Variants in ENTREP2 observed in about 807,000 individuals in gnomAD.
ENTREP2 encodes endosomal transmembrane epsin interactor 2.
chr15:29,190,232 T>C, the ENTREP2 span, among the ~76,000 whole-genome samples: 1 of 152,140 alleles, frequency 6.6e-6, no homozygotes, highest in East Asian at 1.9e-4. Context: ...TGAATCCCTG[T>C]GTGGTGTGGT....
chr15:29,443,760 G>T, the ENTREP2 span, among the ~76,000 whole-genome samples: 1 of 152,052 alleles, frequency 6.6e-6, no homozygotes, highest in Non-Finnish European at 1.5e-5. Context: ...GAGGCAAGTG[G>T]TTACATCCTC....
At chr15:29,532,307 A>C in the ENTREP2 span, among the ~76,000 whole-genome samples, 1 of 152,266 alleles carries the variant, frequency 6.6e-6, no homozygotes, top group African/African-American at 2.4e-5. Context: ...TTTTACACAT[A>C]TTCTGCATTA....
At chr15:29,404,891 C>A in the ENTREP2 span, among the ~76,000 whole-genome samples, 1 of 152,042 alleles carries the variant, frequency 6.6e-6, no homozygotes, top group African/African-American at 2.4e-5. Context: ...GTCCCTCCCC[C>A]ACCCAATCTC....
At chr15:29,591,882 G>GAAGAAGA in the ENTREP2 span, among the ~76,000 whole-genome samples, 2 of 58,146 alleles carry the variant, frequency 3.4e-5, no homozygotes, top group African/African-American at 1.3e-4. Flanking sequence ...AGAAGAAGAA[G>GAAGAAGA]AAGAAGAAGA....
chr15:29,204,864 T>C, the ENTREP2 span, among the ~76,000 whole-genome samples: 1 of 152,216 alleles, frequency 6.6e-6, no homozygotes, highest in African/African-American at 2.4e-5. Flanking sequence ...TTTGTCGGCA[T>C]ACAGTTCAGT....
chr15:29,652,146 T>C, the ENTREP2 span, among the ~76,000 whole-genome samples: 1 of 152,020 alleles, frequency 6.6e-6, no homozygotes, highest in Non-Finnish European at 1.5e-5. Context: ...GCCTTCCCAC[T>C]CCAGCAATGA....
chr15:29,585,792 C>A, the ENTREP2 span, among the ~76,000 whole-genome samples: 3 of 146,744 alleles, frequency 2.0e-5, no homozygotes, highest in African/African-American at 5.1e-5. Flanking sequence ...GAAGGCGGAA[C>A]TTGCAGTGAG....
At chr15:29,342,100 G>A in the ENTREP2 span, among the ~76,000 whole-genome samples, 1 of 152,178 alleles carries the variant, frequency 6.6e-6, no homozygotes, top group South Asian at 2.1e-4. Context: ...TGGCCAGGCC[G>A]CCATGCAGGG....
the ENTREP2 span, among the ~76,000 whole-genome samples, chr15:29,186,314 T>C: frequency 2.0e-5 from 3 of 152,192 alleles, no homozygotes; most frequent in Admixed American, 1.3e-4. Flanking sequence ...TGTGGGTCCC[T>C]GCATTGGGGG....
chr15:29,557,733 G>T, the ENTREP2 span, among the ~76,000 whole-genome samples: 2 of 152,144 alleles, frequency 1.3e-5, no homozygotes, highest in African/African-American at 4.8e-5. Context: ...ATACCTAGTG[G>T]GACCTTGTTT....
At chr15:29,248,267 A>G in the ENTREP2 span, among the ~76,000 whole-genome samples, 1 of 152,204 alleles carries the variant, frequency 6.6e-6, no homozygotes, top group African/African-American at 2.4e-5. Context: ...ATAACCAGGA[A>G]GTTATTGGGG....
the ENTREP2 span, among the ~76,000 whole-genome samples, chr15:29,456,583 A>C: frequency 2.0e-5 from 3 of 152,212 alleles, no homozygotes; most frequent in Non-Finnish European, 4.4e-5. Context: ...GGCAAGGTGC[A>C]AGGAGCATGT....
At chr15:29,430,391 G>C in the ENTREP2 span, among the ~76,000 whole-genome samples, 3 of 152,166 alleles carry the variant, frequency 2.0e-5, no homozygotes, top group Admixed American at 2.0e-4. Flanking sequence ...TCTAGGACGT[G>C]TACTCGCCAG....
At chr15:29,347,918 G>A in the ENTREP2 span, among the ~76,000 whole-genome samples, 1 of 152,154 alleles carries the variant, frequency 6.6e-6, no homozygotes. Context: ...CCTTGTATTG[G>A]GAGACCAAAC....
At chr15:29,153,714 C>G in the ENTREP2 span, among the ~76,000 whole-genome samples, 1 of 152,182 alleles carries the variant, frequency 6.6e-6, no homozygotes, top group African/African-American at 2.4e-5. Flanking sequence ...CTTTTGGTGT[C>G]AAGTCTAAAA....
chr15:29,641,554 G>A, the ENTREP2 span, among the ~76,000 whole-genome samples: 1 of 152,034 alleles, frequency 6.6e-6, no homozygotes, highest in African/African-American at 2.4e-5. Flanking sequence ...AAAACAGGCT[G>A]GGCACGGTGG....
chr15:29,541,191 A>C, the ENTREP2 span, among the ~76,000 whole-genome samples: 1 of 152,320 alleles, frequency 6.6e-6, no homozygotes, highest in South Asian at 2.1e-4. Context: ...AGGCACAGCA[A>C]GCTGAGAAAG....
At chr15:29,554,180 G>A in the ENTREP2 span, among the ~76,000 whole-genome samples, 1 of 152,070 alleles carries the variant, frequency 6.6e-6, no homozygotes, top group Admixed American at 6.6e-5. Flanking sequence ...GCGTGTGGTG[G>A]CGCGTTGCCT....
the ENTREP2 span, chr15:29,381,925 G>A: frequency 1.5e-5 from 17 of 1,165,746 alleles, no homozygotes; most frequent in East Asian, 2.6e-5. Context: ...GGAGAAGGAC[G>A]TGTGGAACAC....
Sources: gnomAD v4.1 joint callset for allele counts (sites outside exome capture counted in the v4.1 genomes callset) on GRCh38, gnomAD v4.1.1 for gene constraint, MANE v1.5 for transcripts, NCBI Gene and HGNC (gene_info 2026-07-23, HGNC 2026-07-21) for gene names.